Variants in DLC1 observed in about 807,000 individuals in gnomAD.
DLC1 encodes the protein DLC1 Rho GTPase activating protein.
In DLC1, 54 loss-of-function variants were observed where a neutral mutation model predicts 140.3. The observed-to-expected ratio is 0.38, with a 90% CI of 0.31 to 0.48. The LOEUF is 0.48. DLC1 is among the 20% of genes least tolerant of loss of function. DLC1 has a pLI of 0.96. For synonymous variants in DLC1, 986 were observed against 728.1 expected, an observed-to-expected ratio of 1.35 and a Z score of -5.70; for missense variants, 2,536 against 1,907.0, an observed-to-expected ratio of 1.33 and a Z score of -6.14.
chr8:13,378,233 T>C (rs1041274481), intron 4 of DLC1, among the ~76,000 whole-genome samples: 1 of 149,598 alleles, frequency 6.7e-6, no homozygotes, highest in Non-Finnish European at 1.5e-5. Context: ...GTGTAAGATG[T>C]CCTAATTCCA....
intron 2 of DLC1, among the ~76,000 whole-genome samples, chr8:13,448,429 T>A (rs2116956161): frequency 6.6e-6 from 1 of 151,676 alleles, no homozygotes; most frequent in South Asian, 2.1e-4. Context: ...AGTGGTGCAA[T>A]CTTGGCCCAC....
intron 5 of DLC1, among the ~76,000 whole-genome samples, chr8:13,300,232 T>C (rs1257251167): frequency 6.6e-6 from 1 of 151,978 alleles, no homozygotes; most frequent in Non-Finnish European, 1.5e-5. Context: ...AGCTGAACAA[T>C]GAGAACACAT....
chr8:13,104,308 T>G (rs1585632088), intron 7 of DLC1, among the ~76,000 whole-genome samples: 1 of 130,014 alleles, frequency 7.7e-6, no homozygotes, highest in East Asian at 2.2e-4. Context: ...AATATCAATT[T>G]AAAATTAGGG....
At chr8:13,562,044 G>A (rs1366706071) in intron 1 of DLC1, among the ~76,000 whole-genome samples, 3 of 152,128 alleles carry the variant, frequency 2.0e-5, no homozygotes, top group Non-Finnish European at 4.4e-5. Flanking sequence ...GCCAAAAAAG[G>A]AGATAGAACA....
intron 5 of DLC1, among the ~76,000 whole-genome samples, chr8:13,300,802 C>T (rs574410895): frequency 1.3e-5 from 2 of 152,160 alleles, no homozygotes; most frequent in Non-Finnish European, 2.9e-5. Context: ...AAAATGTTGG[C>T]ACAGGAACTG....
chr8:13,482,027 C>T (rs911875403), intron 2 of DLC1, among the ~76,000 whole-genome samples: 2 of 152,132 alleles, frequency 1.3e-5, no homozygotes, highest in Non-Finnish European at 2.9e-5. Flanking sequence ...CCTTCAGAGC[C>T]AATTGAAGGA....
chr8:13,559,387 A>G (rs184731110), intron 1 of DLC1: 1 of 152,358 alleles, frequency 6.6e-6, no homozygotes, highest in Admixed American at 6.5e-5. Context: ...GAAAATGCCT[A>G]TCTAAAATAA....
chr8:13,390,908 C>T (rs572118988), intron 4 of DLC1, among the ~76,000 whole-genome samples: 94 of 151,316 alleles, frequency 6.2e-4, no homozygotes, highest in Admixed American at 1.3e-3. Context: ...TGCCGTGAAC[C>T]CAGGAGGCAG....
chr8:13,526,588 A>G (rs1802926937), intron 1 of DLC1, among the ~76,000 whole-genome samples: 1 of 152,174 alleles, frequency 6.6e-6, no homozygotes, highest in African/African-American at 2.4e-5. Flanking sequence ...AATTCTATGC[A>G]GCCATAAAAA....
rs183707281 is a variant in DLC1 at position 13,495,926 on chromosome 8, C to G, written c.1023+3123G>C. ...TCTTGACAAAAGAAATCAATGTGCA[C>G]AAATTTATTGAAGGATTTGATTCAA... On this transcript the variant is annotated intron_variant, in intron 2 of 17. Coordinates refer to ENST00000276297, the MANE Select transcript of DLC1 (RefSeq NM_182643.3). 5.6e-3 allele frequency among the ~76,000 whole-genome samples: 849 copies of G among 152,238 alleles called. 4 individuals carry two copies. The highest frequency in any genetic ancestry group is 8.7e-3 in the Non-Finnish European group (589 of 68,006).
chr8:13,478,736 C>G (rs1233941644), intron 2 of DLC1, among the ~76,000 whole-genome samples: 1 of 152,192 alleles, frequency 6.6e-6, no homozygotes, highest in Non-Finnish European at 1.5e-5. Flanking sequence ...TCAAATATCT[C>G]CCAATACAAT....
intron 8 of DLC1, 134 bp from the exon 9 acceptor site, chr8:13,100,904 G>GTTTAT: frequency 1.7e-6 from 1 of 590,460 alleles, no homozygotes; most frequent in Non-Finnish European, 2.5e-6. Context: ...TAATTTTAAA[G>GTTTAT]TTTTTTTTTT....
At chr8:13,592,767 C>G (rs552698158) in intron 1 of DLC1, among the ~76,000 whole-genome samples, 1 of 152,086 alleles carries the variant, frequency 6.6e-6, no homozygotes, top group Non-Finnish European at 1.5e-5. Context: ...CAGTTTCTTT[C>G]TGGTGCAGTT....
chr8:13,363,164 A>G (rs1395819766), intron 4 of DLC1, among the ~76,000 whole-genome samples: 1 of 152,196 alleles, frequency 6.6e-6, no homozygotes, highest in Non-Finnish European at 1.5e-5. Flanking sequence ...ATGTCTACAC[A>G]TGAGAGCCCA....
intron 5 of DLC1, among the ~76,000 whole-genome samples, chr8:13,189,094 T>G (rs1245368278): frequency 1.3e-5 from 2 of 151,786 alleles, no homozygotes; most frequent in Non-Finnish European, 2.9e-5. Flanking sequence ...CAAAGTTACT[T>G]CAGTGGCATT....
intron 4 of DLC1, among the ~76,000 whole-genome samples, chr8:13,325,239 AAAGG>A (rs1456178832): frequency 6.6e-6 from 1 of 152,214 alleles, no homozygotes; most frequent in Non-Finnish European, 1.5e-5. Flanking sequence ...GGAGGCCTGG[AAAGG>A]AAGTAGGAGT....
intron 1 of DLC1, among the ~76,000 whole-genome samples, chr8:13,503,688 A>G (rs1026251513): frequency 1.3e-5 from 2 of 152,200 alleles, no homozygotes; most frequent in East Asian, 3.9e-4. Context: ...GTTAGTTCAT[A>G]ATCACTATTC....
intron 1 of DLC1, among the ~76,000 whole-genome samples, chr8:13,529,947 G>A (rs1803044807): frequency 6.6e-6 from 1 of 152,198 alleles, no homozygotes; most frequent in African/African-American, 2.4e-5. Flanking sequence ...GAAATTACAT[G>A]TAAGCATTAG....
At chr8:13,424,255 T>G (rs1210099846) in intron 2 of DLC1, among the ~76,000 whole-genome samples, 1 of 152,060 alleles carries the variant, frequency 6.6e-6, no homozygotes, top group Non-Finnish European at 1.5e-5. Flanking sequence ...TCCCAGCACT[T>G]TGGGAGGCCA....
Sources: allele counts gnomAD v4.1 joint callset (sites outside exome capture counted in the v4.1 genomes callset), GRCh38; gene constraint gnomAD v4.1.1; transcripts MANE v1.5; gene names NCBI Gene and HGNC (gene_info 2026-07-23, HGNC 2026-07-21).